Variants in POLH observed in about 807,000 individuals in gnomAD.
The protein encoded by POLH is DNA polymerase eta transcript.
Under a neutral mutation model 73.6 loss-of-function variants are expected in POLH, and 53 were observed. The ratio of observed to expected loss-of-function variants is 0.72; its 90% confidence interval spans 0.58 to 0.91. The LOEUF (loss-of-function observed/expected upper bound fraction) is 0.91, where lower values mean the gene tolerates loss of function less well. Ranked by LOEUF, POLH falls within the 40% of genes least tolerant of loss-of-function variation. POLH has a pLI of 0.00. For missense variants in POLH, 768 were observed against 865.4 expected (o/e 0.89, Z 1.41); for synonymous variants, 292 against 308.5 (o/e 0.95, Z 0.56).
At chr6:43,602,741 C>A (rs1004053721) in intron 6 of POLH, among the ~76,000 whole-genome samples, 21 of 150,460 alleles carry the variant, frequency 1.4e-4, no homozygotes, top group African/African-American at 5.1e-4. Context: ...GATATTGGCT[C>A]ACTGTAGCCT....
At chr6:43,612,513 A>C (rs1418799086) in intron 10 of POLH, among the ~76,000 whole-genome samples, 1 of 151,372 alleles carries the variant, frequency 6.6e-6, no homozygotes, top group African/African-American at 2.4e-5. Context: ...CGCCCGGCTA[A>C]ATTTTGTACT....
intron 1 of POLH, among the ~76,000 whole-genome samples, chr6:43,581,259 C>T (rs1296701436): frequency 2.7e-5 from 4 of 145,990 alleles, no homozygotes; most frequent in African/African-American, 7.8e-5. Flanking sequence ...CCAGATGGGG[C>T]GGCGGGGCAG....
At position 43,618,249 on chromosome 6, in the gene POLH, G is replaced by A. The variant is rs568140214; in HGVS notation, c.*3692G>A. ...TGGCTCACTGCAACCTCCGTCTCTCGGGTTCAAGCAATTCTCCTGCCTCAG... is the reference window on the plus strand; with the variant it reads ...TGGCTCACTGCAACCTCCGTCTCTCAGGTTCAAGCAATTCTCCTGCCTCAG... On this transcript the variant is annotated 3_prime_UTR_variant, in exon 11 of 11. Coordinates refer to ENST00000372236, the MANE Select transcript of POLH (RefSeq NM_006502.3). Among the ~76,000 whole-genome samples the A allele has an allele frequency of 1.3e-3, 195 of 151,982 alleles. 1 individual carries two copies. The highest frequency in any genetic ancestry group is 3.4e-3 in the Middle Eastern group (1 of 292).
intron 3 of POLH, among the ~76,000 whole-genome samples, chr6:43,586,053 CAAT>C (rs1764791720): frequency 6.6e-6 from 1 of 150,610 alleles, no homozygotes; most frequent in Non-Finnish European, 1.5e-5. Context: ...TGTTTTAGAA[CAAT>C]AATTATATTA....
Position 43,604,751 on chromosome 6 carries a change from T to C in POLH, c.1008+13T>C, listed in dbSNP as rs759624222. ...TACTCGGGAACAGGTAAGCTGGCAT[T>C]CTTGACAGAACACTACCTCTTTTAA... On this transcript the variant is annotated intron_variant, in intron 8 of 10. Transcript: ENST00000372236. 5.6e-6 allele frequency: 9 copies of C among 1,614,046 alleles called. No homozygotes were observed. The highest frequency in any genetic ancestry group is 6.8e-6 in the Non-Finnish European group (8 of 1,179,944).
Position 43,614,226 on chromosome 6 carries a change from T to C in POLH, c.1811T>C (p.Met604Thr). Residue 604 changes from methionine to threonine, a missense_variant, in exon 11 of 11, where the codon ATG becomes ACG. Physicochemically the swap from Met to Thr is moderately conservative, Grantham distance 81 (BLOSUM62 -1). Transcript: ENST00000372236. Reference protein sequence around the residue: ...EMDLAHNSQSMHASSASKSVL... With the variant: ...EMDLAHNSQSTHASSASKSVL... ...GATTTGGCCCACAACAGCCAAAGCA[T>C]GCACGCCTCTTCAGCTTCCAAATCT... 1 of 1,610,534 alleles carries C rather than the reference T, an allele frequency of 6.2e-7. No homozygotes were observed. The highest frequency in any genetic ancestry group is 8.5e-7 in the Non-Finnish European group (1 of 1,177,252).
chr6:43,589,882 T>G (rs1765246216), intron 4 of POLH, among the ~76,000 whole-genome samples: 1 of 152,138 alleles, frequency 6.6e-6, no homozygotes, highest in Non-Finnish European at 1.5e-5. Context: ...TTTATATATT[T>G]TTTTCATTTT....
At chr6:43,582,942 A>G in intron 2 of POLH, 65 bp from the exon 3 acceptor site, 2 of 1,368,342 alleles carry the variant, frequency 1.5e-6, no homozygotes, top group Non-Finnish European at 2.1e-6. Context: ...CTTGTGTTAA[A>G]TGTTACTTGT....
At chr6:43,598,117 A>G (rs1182433137) in intron 5 of POLH, among the ~76,000 whole-genome samples, 9 of 151,100 alleles carry the variant, frequency 6.0e-5, no homozygotes, top group African/African-American at 2.0e-4. Flanking sequence ...AGATGGGAGG[A>G]TCAGCTGAGT....
rs1237530918 is a variant in POLH at position 43,616,950 on chromosome 6, G to C, written c.*2393G>C. Among the ~76,000 whole-genome samples, 1 of 152,220 alleles carries C rather than the reference G, an allele frequency of 6.6e-6. No individual in the cohort carries two copies. Among genetic ancestry groups the C allele is most frequent in the East Asian group, 1.9e-4 (1 of 5,198 alleles). On this transcript the variant is annotated 3_prime_UTR_variant, in exon 11 of 11. Transcript: ENST00000372236. ...TATGCCTGTTATCCCAGCACTTTGGGAGGCCAAGGCAGGTGGACCACGTGA... is the reference window on the plus strand; with the variant it reads ...TATGCCTGTTATCCCAGCACTTTGGCAGGCCAAGGCAGGTGGACCACGTGA...
intron 1 of POLH, among the ~76,000 whole-genome samples, chr6:43,577,291 T>C (rs537973120): frequency 1.3e-4 from 20 of 152,394 alleles, no homozygotes; most frequent in African/African-American, 4.8e-4. Flanking sequence ...GTGTGCTTAG[T>C]AAATTGTGTG....
At position 43,605,254 on chromosome 6, in the gene POLH, G is replaced by T; in HGVS notation, c.1009G>T (p.Val337Leu). The change falls in exon 9 of 11, where the codon GTA (valine) becomes TTA (leucine). Residue 337 changes from valine to leucine, a missense_variant and splice_region_variant. Transcript: ENST00000372236. ...GATTAAAGTCTCAATACTTTTTTAG[G>T]TACAATGGTGGCTGTTGCAATTAGC... The part of the protein sequence containing the change: ...GKTALATREQ[V>L]QWWLLQLAQE... The T allele has an allele frequency of 6.4e-7, 1 of 1,551,294 alleles. No homozygotes were observed. The highest frequency in any genetic ancestry group is 8.9e-7 in the Non-Finnish European group (1 of 1,123,262).
intron 1 of POLH, among the ~76,000 whole-genome samples, chr6:43,580,899 C>T (rs1764059215): frequency 6.6e-6 from 1 of 150,890 alleles, no homozygotes; most frequent in East Asian, 2.0e-4. Context: ...GGGCTGACCC[C>T]CCCACCTCCC....
At chr6:43,601,895 TA>T (rs1766777657) in intron 6 of POLH, among the ~76,000 whole-genome samples, 1 of 152,044 alleles carries the variant, frequency 6.6e-6, no homozygotes, top group South Asian at 2.1e-4. Context: ...CTGTCTCTAC[TA>T]AAAATACAAA....
At chr6:43,602,286 G>A (rs941878216) in intron 6 of POLH, among the ~76,000 whole-genome samples, 7 of 152,154 alleles carry the variant, frequency 4.6e-5, no homozygotes, top group African/African-American at 1.7e-4. Flanking sequence ...CAGTTGTGTG[G>A]CCTTGACAAG....
intron 1 of POLH, 63 bp from the exon 2 acceptor site, chr6:43,582,253 C>A: frequency 6.8e-7 from 1 of 1,467,886 alleles, no homozygotes; most frequent in South Asian, 1.1e-5. Context: ...AATGGAATTA[C>A]AGTTTTCCCT....
At chr6:43,581,871 A>G (rs1764308631) in intron 1 of POLH, among the ~76,000 whole-genome samples, 1 of 147,350 alleles carries the variant, frequency 6.8e-6, no homozygotes, top group African/African-American at 2.5e-5. Context: ...GGCGCCTTCG[A>G]GCCTTCTAGG....
intron 3 of POLH, among the ~76,000 whole-genome samples, chr6:43,586,187 T>G (rs1764802385): frequency 6.6e-6 from 1 of 152,094 alleles, no homozygotes; most frequent in Non-Finnish European, 1.5e-5. Context: ...AAAGCAAATA[T>G]CTGTATATTG....
chr6:43,611,862 C>G (rs1767917354), intron 10 of POLH, among the ~76,000 whole-genome samples: 1 of 151,950 alleles, frequency 6.6e-6, no homozygotes, highest in Non-Finnish European at 1.5e-5. Context: ...TCAAGAGCAC[C>G]CCAGCCAACA....
Sources: allele counts gnomAD v4.1 joint callset (sites outside exome capture counted in the v4.1 genomes callset), GRCh38; gene constraint gnomAD v4.1.1; transcripts MANE v1.5; gene names NCBI Gene and HGNC (gene_info 2026-07-23, HGNC 2026-07-21).